The following CDH18 variants were observed in gnomAD, a reference collection of about 807,000 sequenced individuals.
The protein encoded by CDH18 is cadherin-18.
CDH18 carries 31 observed loss-of-function variants against 67.9 expected under a neutral mutation model. The observed-to-expected ratio is 0.46, with a 90% CI of 0.34 to 0.62. The LOEUF is 0.62. Among genes scored for constraint, CDH18 ranks in the 20% least tolerant of loss-of-function variants. CDH18 has a pLI of 0.01. For synonymous variants in CDH18, 362 were observed against 347.2 expected (o/e 1.04, Z -0.48); for missense variants, 890 against 975.5 (o/e 0.91, Z 1.17).
intron 9 of CDH18, among the ~76,000 whole-genome samples, chr5:19,542,522 CAAGTA>C (rs549348174): frequency 3.8e-3 from 578 of 152,034 alleles, no homozygotes; most frequent in Non-Finnish European, 6.0e-3. Flanking sequence ...TAATGTTTGT[CAAGTA>C]AAGAATGGAT....
At chr5:19,495,735 A>G (rs1415576042) in intron 11 of CDH18, among the ~76,000 whole-genome samples, 3 of 148,590 alleles carry the variant, frequency 2.0e-5, no homozygotes, top group Non-Finnish European at 4.5e-5. Flanking sequence ...AAAAAAAAAA[A>G]AAAAAAAGAA....
At chr5:19,582,191 T>A (rs1170286486) in intron 7 of CDH18, among the ~76,000 whole-genome samples, 2 of 151,968 alleles carry the variant, frequency 1.3e-5, no homozygotes, top group Non-Finnish European at 2.9e-5. Flanking sequence ...TATATGTATA[T>A]CTATGTGTTT....
At chr5:20,252,906 AG>A (rs1293101971) in intron 2 of CDH18, among the ~76,000 whole-genome samples, 8 of 151,522 alleles carry the variant, frequency 5.3e-5, no homozygotes, top group African/African-American at 1.7e-4. Context: ...ACTGCACTCC[AG>A]CCTGGGCAAC....
intron 2 of CDH18, among the ~76,000 whole-genome samples, chr5:19,842,494 C>CA (rs1782451186): frequency 2.6e-5 from 4 of 152,184 alleles, no homozygotes; most frequent in African/African-American, 9.6e-5. Flanking sequence ...TCCCATTTTG[C>CA]CATGACTGTA....
chr5:20,306,419 A>T (rs893590985), intron 1 of CDH18, among the ~76,000 whole-genome samples: 1 of 149,724 alleles, frequency 6.7e-6, no homozygotes, highest in East Asian at 2.0e-4. Flanking sequence ...AACTCAAAGT[A>T]GCCTTTTCCA....
intron 2 of CDH18, among the ~76,000 whole-genome samples, chr5:19,925,674 G>C (rs1793003974): frequency 1.3e-5 from 2 of 151,984 alleles, no homozygotes; most frequent in South Asian, 4.1e-4. Context: ...GTTTAGTAGA[G>C]ACAAAGGTTC....
At chr5:19,861,645 CTA>C (rs1784925752) in intron 2 of CDH18, among the ~76,000 whole-genome samples, 1 of 151,936 alleles carries the variant, frequency 6.6e-6, no homozygotes, top group South Asian at 2.1e-4. Context: ...GGGTCAGATT[CTA>C]TATATATTCT....
intron 2 of CDH18, among the ~76,000 whole-genome samples, chr5:20,137,716 T>G (rs1204760060): frequency 6.6e-6 from 1 of 152,142 alleles, no homozygotes; most frequent in African/African-American, 2.4e-5. Context: ...TCCCCATCTT[T>G]GTGGTTTTAT....
intron 2 of CDH18, among the ~76,000 whole-genome samples, chr5:20,096,233 T>C (rs1035734945): frequency 1.3e-5 from 2 of 152,172 alleles, no homozygotes; most frequent in African/African-American, 2.4e-5. Flanking sequence ...AAATGAACAA[T>C]AGGCTATTTT....
At chr5:20,189,347 T>C (rs527945110) in intron 2 of CDH18, among the ~76,000 whole-genome samples, 6 of 152,240 alleles carry the variant, frequency 3.9e-5, no homozygotes, top group African/African-American at 1.4e-4. Context: ...TGTCTATCTA[T>C]CCATCGTGTG....
intron 5 of CDH18, among the ~76,000 whole-genome samples, chr5:19,657,075 C>T (rs1210783929): frequency 6.6e-6 from 1 of 151,952 alleles, no homozygotes; most frequent in Non-Finnish European, 1.5e-5. Flanking sequence ...TATTAAAAAT[C>T]AAGGTTAGGA....
At chr5:19,949,381 C>A (rs528681023) in intron 2 of CDH18, among the ~76,000 whole-genome samples, 3 of 152,214 alleles carry the variant, frequency 2.0e-5, no homozygotes, top group South Asian at 4.1e-4. Flanking sequence ...CATGTAGAGG[C>A]AGAAACAAAT....
intron 3 of CDH18, among the ~76,000 whole-genome samples, chr5:19,809,064 A>G (rs1778359207): frequency 6.6e-6 from 1 of 152,154 alleles, no homozygotes; most frequent in Non-Finnish European, 1.5e-5. Flanking sequence ...TGTACAAAAC[A>G]AAACCCGAGG....
chr5:20,074,135 C>T (rs1743726778), intron 2 of CDH18, among the ~76,000 whole-genome samples: 1 of 151,992 alleles, frequency 6.6e-6, no homozygotes, highest in Non-Finnish European at 1.5e-5. Context: ...ATTAGGCTCT[C>T]TTTTTCAGTA....
At chr5:19,829,631 T>C (rs1780804550) in intron 3 of CDH18, among the ~76,000 whole-genome samples, 2 of 152,194 alleles carry the variant, frequency 1.3e-5, no homozygotes, top group Non-Finnish European at 1.5e-5. Context: ...AAAACGGCCA[T>C]ACTGCCCAAA....
chr5:20,389,068 C>G (rs547873409), intron 1 of CDH18, among the ~76,000 whole-genome samples: 6 of 152,204 alleles, frequency 3.9e-5, no homozygotes, highest in Non-Finnish European at 7.4e-5. Flanking sequence ...TCTATTAGGT[C>G]TGCTTGGTAC....
At chr5:19,611,451 GA>G (rs1011058071) in intron 6 of CDH18, among the ~76,000 whole-genome samples, 9 of 152,140 alleles carry the variant, frequency 5.9e-5, no homozygotes, top group African/African-American at 2.2e-4. Flanking sequence ...CGTGAATAAG[GA>G]AAAATTTTAG....
chr5:19,796,335 A>C (rs1581389333), intron 3 of CDH18, among the ~76,000 whole-genome samples: 3 of 152,116 alleles, frequency 2.0e-5, no homozygotes, highest in Admixed American at 1.3e-4. Context: ...AGCCAGAGTA[A>C]AGTGATGCAT....
chr5:20,533,579 C>A (rs1450304611), intron 1 of CDH18, among the ~76,000 whole-genome samples: 1 of 152,072 alleles, frequency 6.6e-6, no homozygotes, highest in Non-Finnish European at 1.5e-5. Context: ...GTTGTTACTT[C>A]ATTGAAGCAA....
Sources: gnomAD v4.1 joint callset for allele counts (sites outside exome capture counted in the v4.1 genomes callset) on GRCh38, gnomAD v4.1.1 for gene constraint, MANE v1.5 for transcripts, NCBI Gene and HGNC (gene_info 2026-07-23, HGNC 2026-07-21) for gene names.